Variants in SAV1 observed in about 807,000 individuals in gnomAD.
SAV1 encodes the protein protein salvador homolog 1.
SAV1 carries 23 observed loss-of-function variants against 47.3 expected under a neutral mutation model. That is an observed-to-expected ratio of 0.49 (90% CI 0.35 to 0.69). SAV1 has a LOEUF of 0.69. Among genes scored for constraint, SAV1 ranks in the 30% least tolerant of loss-of-function variants. SAV1 has a pLI of 0.01. For synonymous variants in SAV1, 155 were observed against 159.2 expected, an observed-to-expected ratio of 0.97 and a Z score of 0.20; for missense variants, 448 against 457.4, an observed-to-expected ratio of 0.98 and a Z score of 0.19.
At position 50,634,011 on chromosome 14, in the gene SAV1, A is replaced by C. The variant is rs528890653; in HGVS notation, c.*1172T>G. The C allele has an allele frequency of 3.7e-5, 9 of 242,550 alleles. No homozygotes were observed. The highest frequency in any genetic ancestry group is 2.0e-4 in the African/African-American group (9 of 44,918). 15.0% of individuals were successfully genotyped at this position (242,550 alleles called of 1,614,324 possible). Reference sequence around the variant, plus strand: ...TCCTGTGATAAATACTTAGAAAATTAAAAAGTAATAATATACATTCGATTT... The same window carrying C: ...TCCTGTGATAAATACTTAGAAAATTCAAAAGTAATAATATACATTCGATTT... On this transcript the variant is annotated 3_prime_UTR_variant, in exon 5 of 5. Coordinates refer to ENST00000324679, the MANE Select transcript of SAV1 (RefSeq NM_021818.4).
chr14:50,635,746 T>A (rs956116068), intron 4 of SAV1, among the ~76,000 whole-genome samples: 2 of 152,198 alleles, frequency 1.3e-5, no homozygotes, highest in African/African-American at 4.8e-5. Flanking sequence ...AGTCTTGCTA[T>A]GTCACCAGGC....
Position 50,663,758 on chromosome 14 carries a change from T to C in SAV1, c.535+1421A>G, listed in dbSNP as rs145511562. ...TTCTCTAGGAATCTACCCTTAATTC[T>C]AGTACAAAACTAATCTTTAAACACT... On this transcript the variant is annotated intron_variant, in intron 2 of 4. Transcript: ENST00000324679. Among the ~76,000 whole-genome samples, 600 of 152,322 alleles carry C rather than the reference T, an allele frequency of 3.9e-3. 4 individuals carry two copies. The highest frequency in any genetic ancestry group is 0.014 in the African/African-American group (568 of 41,572).
At chr14:50,654,019 C>A (rs191985131) in intron 2 of SAV1, among the ~76,000 whole-genome samples, 3 of 152,288 alleles carry the variant, frequency 2.0e-5, no homozygotes, top group East Asian at 3.9e-4. Context: ...GAGTTCACAG[C>A]ATCTTTTTGC....
intron 1 of SAV1, 84 bp from the exon 2 acceptor site, chr14:50,665,703 C>G: frequency 5.8e-6 from 7 of 1,215,156 alleles, no homozygotes; most frequent in Non-Finnish European, 7.9e-6. Flanking sequence ...GTCTACCACC[C>G]CAAAATCAAA....
In SAV1 at chr14:50,640,885, C is replaced by T. The variant is rs1186687511; in HGVS notation, c.815G>A (p.Arg272Gln). ...TGTGACAGGAGGTGGTTGATCATACCGAGGTACACTAAGAAGAAAGGAGTG... is the reference window on the plus strand; with the variant it reads ...TGTGACAGGAGGTGGTTGATCATACTGAGGTACACTAAGAAGAAAGGAGTG... ...YRHPCAPSVP[R>Q]YDQPPPVTYQ... Residue 272 changes from arginine to glutamine, a missense_variant, in exon 4 of 5, where the codon CGG (arginine) becomes CAG (glutamine). Coordinates refer to ENST00000324679, the MANE Select transcript of SAV1 (RefSeq NM_021818.4). 3 of 1,605,974 alleles carry T rather than the reference C, an allele frequency of 1.9e-6. No homozygotes were observed. The highest frequency in any genetic ancestry group is 3.4e-5 in the Admixed American group (2 of 58,752).
chr14:50,658,952 C>CA (rs940096726), intron 2 of SAV1, among the ~76,000 whole-genome samples: 43 of 152,022 alleles, frequency 2.8e-4, no homozygotes, highest in Admixed American at 1.0e-3. Context: ...GAGATTCCTT[C>CA]AAAAAAAGTA....
chr14:50,644,995 A>G lies in SAV1; in HGVS notation c.555T>C (p.Ala185=), dbSNP rs769845083. The G allele has an allele frequency of 6.2e-7, 1 of 1,611,354 alleles. No homozygotes were observed. Among genetic ancestry groups the G allele is most frequent in the Non-Finnish European group, 8.5e-7 (1 of 1,179,884 alleles). Residue 185 remains alanine, a synonymous_variant, in exon 3 of 5, where the codon GCT becomes GCC. Transcript: ENST00000324679. ...RHASGIGRVA[A]TSLGNLTNHG... ...GGTTAGTCAAATTTCCTAAAGATGTAGCAGCAACTCTCCCAATACCTACGG... is the reference window on the plus strand; with the variant it reads ...GGTTAGTCAAATTTCCTAAAGATGTGGCAGCAACTCTCCCAATACCTACGG...
At chr14:50,637,646 C>T (rs1407480735) in intron 4 of SAV1, 1 of 137,180 alleles carries the variant, frequency 7.3e-6, no homozygotes, top group Non-Finnish European at 1.6e-5. Context: ...AAGAAAAAAT[C>T]TTCAAACAAT....
At chr14:50,649,829 C>T (rs2039752611) in intron 2 of SAV1, among the ~76,000 whole-genome samples, 1 of 152,146 alleles carries the variant, frequency 6.6e-6, no homozygotes, top group African/African-American at 2.4e-5. Flanking sequence ...CAACCCAAGG[C>T]CCTAACTGCC....
chr14:50,656,373 G>T (rs1442327020), intron 2 of SAV1, among the ~76,000 whole-genome samples: 1 of 151,424 alleles, frequency 6.6e-6, no homozygotes, highest in African/African-American at 2.4e-5. Context: ...CCAATGCCCT[G>T]TAAAGCCATG....
chr14:50,659,713 G>A (rs1450634231), intron 2 of SAV1, among the ~76,000 whole-genome samples: 4 of 152,164 alleles, frequency 2.6e-5, no homozygotes, highest in Non-Finnish European at 5.9e-5. Context: ...AGGTGTGGTG[G>A]TGCATGCCTG....
intron 2 of SAV1, among the ~76,000 whole-genome samples, chr14:50,662,024 T>C (rs1011841850): frequency 6.6e-6 from 1 of 152,204 alleles, no homozygotes; most frequent in African/African-American, 2.4e-5. Context: ...TTAATAGGGA[T>C]TGCATTCAAT....
chr14:50,646,393 A>T (rs1321417624), intron 2 of SAV1, among the ~76,000 whole-genome samples: 1 of 152,202 alleles, frequency 6.6e-6, no homozygotes, highest in African/African-American at 2.4e-5. Flanking sequence ...TGTCATTCCA[A>T]TAAAAATTCC....
chr14:50,636,334 CA>C (rs11327202), intron 4 of SAV1, among the ~76,000 whole-genome samples: 68,804 of 151,840 alleles, frequency 0.45, 17,333 homozygotes, highest in East Asian at 0.73. Context: ...CAACAGCAAA[CA>C]AGGAACCAAA....
chr14:50,644,719 G>A, intron 3 of SAV1, 25 bp downstream of exon 3: 6 of 1,587,028 alleles, frequency 3.8e-6, no homozygotes, highest in Non-Finnish European at 5.2e-6. Flanking sequence ...GAAACAAAAA[G>A]TTGAAAATAA....
chr14:50,635,367 T>C lies in SAV1; in HGVS notation c.968A>G (p.Lys323Arg), dbSNP rs375300299. 3.7e-6 allele frequency: 6 copies of C among 1,614,008 alleles called. No homozygotes were observed. Among genetic ancestry groups the C allele is most frequent in the African/African-American group, 1.3e-5 (1 of 75,072 alleles). Residue 323 changes from lysine (K) to arginine (R), a missense_variant, in exon 5 of 5, where the codon AAG becomes AGG. Physicochemically the swap from Lys to Arg is conservative, Grantham distance 26. Transcript: ENST00000324679. ...RAPVKYDHIL[K>R]WELFQLADLD... is the part of the protein sequence containing the mutation. ...GTCAGCCAGCTGGAAGAGTTCCCAC[T>C]TCAGAATGTGGTCATATCTGTTTTA...
At chr14:50,637,664 G>GTTTTTTTTTTTTTTTT (rs373647297) in intron 4 of SAV1, 1 of 58,264 alleles carries the variant, frequency 1.7e-5, no homozygotes, top group African/African-American at 4.3e-5. Flanking sequence ...AATTTTGTCA[G>GTTTTTTTTTTTTTTTT]TTTTTTTTTT....
intron 2 of SAV1, among the ~76,000 whole-genome samples, chr14:50,657,341 A>G (rs1019532904): frequency 3.9e-5 from 6 of 152,180 alleles, no homozygotes; most frequent in African/African-American, 1.4e-4. Flanking sequence ...GCAAACAGTT[A>G]TGGATGTGTA....
chr14:50,657,851 A>G (rs1399504610), intron 2 of SAV1, among the ~76,000 whole-genome samples: 1 of 152,228 alleles, frequency 6.6e-6, no homozygotes, highest in Non-Finnish European at 1.5e-5. Flanking sequence ...TTTCTCTCTC[A>G]GCTATCAGTA....
Sources: gnomAD v4.1 joint callset for allele counts (sites outside exome capture counted in the v4.1 genomes callset) on GRCh38, gnomAD v4.1.1 for gene constraint, MANE v1.5 for transcripts, NCBI Gene and HGNC (gene_info 2026-07-23, HGNC 2026-07-21) for gene names.